The following FBXO34 variants were observed in gnomAD, a reference collection of about 807,000 sequenced individuals.
The protein encoded by FBXO34 is F-box protein 34.
Under a neutral mutation model 24.5 loss-of-function variants are expected in FBXO34, and 12 were observed. The ratio of observed to expected loss-of-function variants is 0.49; its 90% CI spans 0.31 to 0.79. The LOEUF (loss-of-function observed/expected upper bound fraction) is 0.79. Among genes scored for constraint, FBXO34 ranks in the 30% least tolerant of loss-of-function variants. The probability of loss-of-function intolerance (pLI) is 0.04; values close to 1 mark genes in which losing one functional copy is unlikely to be tolerated. For synonymous variants in FBXO34, 320 were observed against 311.9 expected, an observed-to-expected ratio of 1.03 and a Z score of -0.27; for missense variants, 823 against 857.7, an observed-to-expected ratio of 0.96 and a Z score of 0.51.
the FBXO34 span, among the ~76,000 whole-genome samples, chr14:55,384,526 T>G: frequency 6.6e-6 from 1 of 152,248 alleles, no homozygotes; most frequent in Non-Finnish European, 1.5e-5. Context: ...CTAAAAACTT[T>G]CTATTTTGCT....
At chr14:55,359,353 T>G (rs1266569345) in intron 3 of FBXO34, among the ~76,000 whole-genome samples, 1 of 152,190 alleles carries the variant, frequency 6.6e-6, no homozygotes, top group Non-Finnish European at 1.5e-5. Context: ...AGGCTCTAGA[T>G]AAAATTCGTT....
At chr14:55,406,077 T>C in the FBXO34 span, among the ~76,000 whole-genome samples, 2 of 152,194 alleles carry the variant, frequency 1.3e-5, no homozygotes, top group African/African-American at 4.8e-5. Context: ...GCCAAACTCA[T>C]ATTGTCCCCA....
At chr14:55,323,248 T>TC (rs1480368099) in intron 1 of FBXO34, among the ~76,000 whole-genome samples, 2 of 87,790 alleles carry the variant, frequency 2.3e-5, no homozygotes, top group African/African-American at 1.5e-4. Context: ...TTTTTTTTTT[T>TC]AGAGACAGAG....
chr14:55,307,128 C>T (rs1431130011), intron 1 of FBXO34, among the ~76,000 whole-genome samples: 6 of 152,234 alleles, frequency 3.9e-5, no homozygotes, highest in Admixed American at 2.6e-4. Flanking sequence ...CCCTTAATCA[C>T]ATTGCCATTG....
chr14:55,315,744 T>G (rs1348700984), intron 1 of FBXO34, among the ~76,000 whole-genome samples: 1 of 152,230 alleles, frequency 6.6e-6, no homozygotes, highest in East Asian at 1.9e-4. Flanking sequence ...TTCCTGATTT[T>G]TCATGTTATC....
intron 1 of FBXO34, chr14:55,282,392 T>C: frequency 5.0e-6 from 2 of 398,914 alleles, no homozygotes; most frequent in South Asian, 4.1e-5. Context: ...CATGGATTCA[T>C]TTAGCACACA....
rs139157074 is a variant in FBXO34 at position 55,309,899 on chromosome 14, A to G, written c.-11+38362A>G. 9.9e-5 allele frequency among the ~76,000 whole-genome samples: 15 copies of G among 152,164 alleles called. No individual in the cohort carries two copies. The East Asian group carries it at 2.5e-3, about 25-fold the overall frequency. The stretch of plus-strand genomic sequence containing the variant: ...TTATCTTTAGATTGGGTAGGGTGGG[A>G]TTTGCATTGAGTTACAATGAGTTTT... On this transcript the variant is annotated intron_variant, in intron 1 of 1. Transcript: ENST00000313833.
intron 1 of FBXO34, among the ~76,000 whole-genome samples, chr14:55,327,907 GGTTTTTTTTTTTTTTTTTTTT>G (rs1042246285): frequency 4.1e-5 from 3 of 73,872 alleles, no homozygotes; most frequent in African/African-American, 1.6e-4. Flanking sequence ...TGTTGTTGTT[GGTTTTTTTTTTTTTTTTTTTT>G]TTTTTTTTTT....
downstream of FBXO34, chr14:55,369,174 T>G (rs1344958851): frequency 6.5e-6 from 1 of 153,628 alleles, no homozygotes; most frequent in Non-Finnish European, 1.5e-5. Context: ...AGAGCTTTTA[T>G]CTTTCATGTC....
At chr14:55,357,611 T>C (rs1024539341), downstream of FBXO34, among the ~76,000 whole-genome samples, 3 of 152,052 alleles carry the variant, frequency 2.0e-5, no homozygotes, top group African/African-American at 7.2e-5. Context: ...GCTCAGGAGT[T>C]TGAGACCAGG....
At chr14:55,437,252 G>A in the FBXO34 span, among the ~76,000 whole-genome samples, 6 of 152,356 alleles carry the variant, frequency 3.9e-5, no homozygotes, top group African/African-American at 9.6e-5. Flanking sequence ...TGAGGCAGGC[G>A]GATGGCTGGA....
chr14:55,367,376 G>A (rs1337408817), exon 3 of FBXO34: 1 of 152,230 alleles, frequency 6.6e-6, no homozygotes, highest in Non-Finnish European at 1.5e-5. Flanking sequence ...CTCCAGAACT[G>A]GATGGGAAAA....
Position 55,351,205 on chromosome 14 carries a change from C to G in FBXO34, c.815C>G (p.Pro272Arg), listed in dbSNP as rs1374422292. The G allele has an allele frequency of 3.7e-6, 6 of 1,614,202 alleles. No individual in the cohort carries two copies. The highest frequency in any genetic ancestry group is 5.1e-6 in the Non-Finnish European group (6 of 1,180,046). ...TERGNLEVGE[P>R]QSEPVRVLDM... is the part of the protein sequence containing the mutation. ...AGGGGAAATCTTGAGGTTGGTGAAC[C>G]ACAGAGCGAACCAGTCCGTGTCCTT... The change falls in exon 2 of 2, where the codon CCA becomes CGA. Residue 272 changes from proline to arginine, a missense_variant. This residue lies in a region of FBXO34 where 693 missense variants were observed against 659.1 expected (regional missense o/e 1.05). Coordinates refer to ENST00000313833, the MANE Select transcript of FBXO34 (RefSeq NM_017943.4).
chr14:55,307,602 G>A (rs1187020292), intron 1 of FBXO34, among the ~76,000 whole-genome samples: 1 of 152,148 alleles, frequency 6.6e-6, no homozygotes, highest in Non-Finnish European at 1.5e-5. Context: ...AGAATGGCTG[G>A]CGATTTGAGT....
chr14:55,389,638 G>C, the FBXO34 span, among the ~76,000 whole-genome samples: 71 of 152,320 alleles, frequency 4.7e-4, no homozygotes, highest in Middle Eastern at 6.8e-3. Flanking sequence ...ATGGACTGCA[G>C]CTTGCTGCCG....
At chr14:55,427,642 T>C in the FBXO34 span, among the ~76,000 whole-genome samples, 7 of 150,574 alleles carry the variant, frequency 4.6e-5, no homozygotes, top group Admixed American at 1.3e-4. Context: ...AGTCAAGGGG[T>C]TTGGTGTCCA....
downstream of FBXO34, among the ~76,000 whole-genome samples, chr14:55,362,600 A>G (rs1884607905): frequency 6.6e-6 from 1 of 152,240 alleles, no homozygotes; most frequent in African/African-American, 2.4e-5. Flanking sequence ...AGCCAGTACC[A>G]GTGGCCCCTG....
At chr14:55,286,338 A>G (rs1594726378) in intron 1 of FBXO34, among the ~76,000 whole-genome samples, 1 of 152,240 alleles carries the variant, frequency 6.6e-6, no homozygotes, top group Non-Finnish European at 1.5e-5. Flanking sequence ...AGCCTTCATT[A>G]ATGAACCTCG....
the FBXO34 span, among the ~76,000 whole-genome samples, chr14:55,379,315 C>T: frequency 1.0e-3 from 154 of 152,022 alleles, no homozygotes; most frequent in African/African-American, 3.6e-3. Flanking sequence ...GAGGGCGGAT[C>T]GCTTGAGCCC....
Sources: gnomAD v4.1 joint callset for allele counts (sites outside exome capture counted in the v4.1 genomes callset) on GRCh38, gnomAD v4.1.1 for gene constraint, gnomAD v4.1.1 regional missense constraint, MANE v1.5 for transcripts, NCBI Gene and HGNC (gene_info 2026-07-23, HGNC 2026-07-21) for gene names.